The following SLC24A2 variants were observed in gnomAD, a reference collection of about 807,000 sequenced individuals.
SLC24A2 encodes the protein solute carrier family 24 member 2.
In SLC24A2, 36 loss-of-function variants were observed where a neutral mutation model predicts 62.0. The observed-to-expected ratio is 0.58, with a 90% CI of 0.44 to 0.77. SLC24A2 has a LOEUF of 0.77. Among genes scored for constraint, SLC24A2 ranks in the 30% least tolerant of loss-of-function variants. The probability of loss-of-function intolerance (pLI) is 0.00; values close to 1 mark genes in which losing one functional copy is unlikely to be tolerated. For missense variants in SLC24A2, 846 were observed against 817.9 expected, an observed-to-expected ratio of 1.03 and a Z score of -0.42; for synonymous variants, 358 against 294.0, an observed-to-expected ratio of 1.22 and a Z score of -2.23.
At chr9:20,065,704 G>C in the SLC24A2 span, among the ~76,000 whole-genome samples, 1 of 152,140 alleles carries the variant, frequency 6.6e-6, no homozygotes, top group Non-Finnish European at 1.5e-5. Context: ...TAAGTGACCA[G>C]TGTTACACAT....
chr9:20,183,880 A>C, the SLC24A2 span, among the ~76,000 whole-genome samples: 1 of 152,196 alleles, frequency 6.6e-6, no homozygotes. Flanking sequence ...CACCTGCATC[A>C]GAATTTCACT....
At chr9:19,903,673 A>C in the SLC24A2 span, among the ~76,000 whole-genome samples, 2 of 152,210 alleles carry the variant, frequency 1.3e-5, no homozygotes, top group African/African-American at 2.4e-5. Flanking sequence ...ATGAAATCTC[A>C]GAAATATCCA....
At chr9:19,998,320 A>T in the SLC24A2 span, among the ~76,000 whole-genome samples, 1 of 152,088 alleles carries the variant, frequency 6.6e-6, no homozygotes, top group African/African-American at 2.4e-5. Flanking sequence ...TCGCCCACAC[A>T]TACCCTGTTT....
chr9:19,606,544 T>G (rs1325642450), intron 4 of SLC24A2, among the ~76,000 whole-genome samples: 1 of 152,236 alleles, frequency 6.6e-6, no homozygotes, highest in Non-Finnish European at 1.5e-5. Context: ...CCCAGAGTCT[T>G]GTCTACAGTG....
chr9:19,635,614 G>A (rs1016312012), intron 2 of SLC24A2, among the ~76,000 whole-genome samples: 13 of 152,214 alleles, frequency 8.5e-5, no homozygotes, highest in East Asian at 3.9e-4. Flanking sequence ...GTGAAAGACC[G>A]TGCTTATATT....
the SLC24A2 span, among the ~76,000 whole-genome samples, chr9:20,042,032 C>T: frequency 6.6e-6 from 1 of 152,200 alleles, no homozygotes. Flanking sequence ...GGTGGGGAGC[C>T]TGTCATCTTG....
chr9:19,644,598 G>C (rs1042303011), intron 2 of SLC24A2, among the ~76,000 whole-genome samples: 8 of 152,108 alleles, frequency 5.3e-5, no homozygotes, highest in African/African-American at 1.9e-4. Context: ...TTATCGTGCT[G>C]CCCTCTATCT....
chr9:19,719,028 A>G (rs1430756333), intron 2 of SLC24A2, among the ~76,000 whole-genome samples: 1 of 152,224 alleles, frequency 6.6e-6, no homozygotes, highest in African/African-American at 2.4e-5. Context: ...AGTCCTTTGT[A>G]AAAGGAGTCT....
intron 8 of SLC24A2, among the ~76,000 whole-genome samples, chr9:19,531,621 T>C (rs1833711942): frequency 6.6e-6 from 1 of 152,134 alleles, no homozygotes; most frequent in Admixed American, 6.5e-5. Flanking sequence ...ATATCCTTAC[T>C]GATTTAAATT....
At chr9:20,027,449 C>T in the SLC24A2 span, among the ~76,000 whole-genome samples, 2 of 152,092 alleles carry the variant, frequency 1.3e-5, no homozygotes, top group Admixed American at 6.5e-5. Context: ...CCTATATACA[C>T]AATGAAATAC....
the SLC24A2 span, among the ~76,000 whole-genome samples, chr9:20,089,910 G>A: frequency 6.6e-6 from 1 of 152,018 alleles, no homozygotes; most frequent in Non-Finnish European, 1.5e-5. Flanking sequence ...CACTGGTAGT[G>A]CAGCTACCTC....
intron 2 of SLC24A2, among the ~76,000 whole-genome samples, chr9:19,684,393 C>G (rs139824763): frequency 9.2e-5 from 14 of 152,180 alleles, no homozygotes; most frequent in African/African-American, 3.1e-4. Flanking sequence ...TGATGATGCT[C>G]TTTTTGATCA....
At chr9:19,847,681 C>G in the SLC24A2 span, among the ~76,000 whole-genome samples, 4 of 152,160 alleles carry the variant, frequency 2.6e-5, no homozygotes, top group South Asian at 8.3e-4. Flanking sequence ...ATTTTGCTAC[C>G]CGCACTGGAG....
At chr9:20,235,198 G>A in the SLC24A2 span, among the ~76,000 whole-genome samples, 1 of 152,200 alleles carries the variant, frequency 6.6e-6, no homozygotes, top group Non-Finnish European at 1.5e-5. Context: ...GAGGCAGTCT[G>A]CCTGTTCTCA....
chr9:19,858,227 C>T, the SLC24A2 span, among the ~76,000 whole-genome samples: 1 of 152,054 alleles, frequency 6.6e-6, no homozygotes, highest in African/African-American at 2.4e-5. Flanking sequence ...TAATCTTTGA[C>T]AAAGTAGACA....
chr9:19,701,399 A>G (rs2118528374), intron 2 of SLC24A2, among the ~76,000 whole-genome samples: 4 of 152,358 alleles, frequency 2.6e-5, no homozygotes. Context: ...CATGCCAAGC[A>G]GCACTTAGTC....
chr9:20,054,776 C>T, the SLC24A2 span, among the ~76,000 whole-genome samples: 5 of 152,162 alleles, frequency 3.3e-5, no homozygotes, highest in Admixed American at 3.3e-4. Context: ...TAATACAACT[C>T]TAACATGGTG....
chr9:20,059,005 C>T, the SLC24A2 span, among the ~76,000 whole-genome samples: 1 of 152,172 alleles, frequency 6.6e-6, no homozygotes, highest in Admixed American at 6.6e-5. Flanking sequence ...TTAGTGAGTG[C>T]ATTGACTGTA....
upstream of SLC24A2, among the ~76,000 whole-genome samples, chr9:19,790,285 G>C (rs1823298616): frequency 6.6e-6 from 1 of 152,042 alleles, no homozygotes; most frequent in Admixed American, 6.5e-5. Flanking sequence ...ATGTAAGAAA[G>C]TAGTATAATG....
Sources: gnomAD v4.1 joint callset for allele counts (sites outside exome capture counted in the v4.1 genomes callset) on GRCh38, gnomAD v4.1.1 for gene constraint, MANE v1.5 for transcripts, NCBI Gene and HGNC (gene_info 2026-07-23, HGNC 2026-07-21) for gene names.